SLC1A7: variants seen among roughly 807,000 people sequenced by gnomAD.
SLC1A7 encodes solute carrier family 1 member 7.
A neutral mutation model predicts 47.7 loss-of-function variants in SLC1A7; 40 were observed. The observed-to-expected ratio is 0.84, with a 90% confidence interval of 0.65 to 1.09. The LOEUF is 1.09. Among genes scored for constraint, SLC1A7 ranks in the 50% least tolerant of loss-of-function variants. The pLI is 0.00. For missense variants in SLC1A7, 746 were observed against 769.5 expected (o/e 0.97, Z 0.36); for synonymous variants, 323 against 325.6 (o/e 0.99, Z 0.09).
chr1:53,124,300 C>T (rs1644858542), intron 2 of SLC1A7, among the ~76,000 whole-genome samples: 1 of 141,756 alleles, frequency 7.1e-6, no homozygotes, highest in Non-Finnish European at 1.5e-5. Context: ...AACACAGCTT[C>T]ACAGACAAAC....
At chr1:53,136,280 G>A (rs990679550) in intron 1 of SLC1A7, among the ~76,000 whole-genome samples, 2 of 147,102 alleles carry the variant, frequency 1.4e-5, no homozygotes, top group Non-Finnish European at 3.0e-5. Context: ...TGCAACCTCC[G>A]CCTCCCAGGT....
intron 1 of SLC1A7, among the ~76,000 whole-genome samples, chr1:53,141,134 C>T (rs1303270761): frequency 6.6e-6 from 1 of 152,136 alleles, no homozygotes; most frequent in Non-Finnish European, 1.5e-5. Flanking sequence ...GCCTTGTCTT[C>T]AGCCTGCATA....
chr1:53,121,283 T>G (rs1644822899), intron 2 of SLC1A7, among the ~76,000 whole-genome samples: 1 of 152,168 alleles, frequency 6.6e-6, no homozygotes, highest in Non-Finnish European at 1.5e-5. Flanking sequence ...ACGACTTGTG[T>G]GCCCAGGTGA....
intron 1 of SLC1A7, among the ~76,000 whole-genome samples, chr1:53,141,809 C>T (rs546836577): frequency 1.1e-4 from 17 of 152,250 alleles, no homozygotes; most frequent in East Asian, 5.8e-4. Flanking sequence ...ACTGGCCTGT[C>T]GCTCTTCTGC....
chr1:53,088,107 G>T lies in SLC1A7; in HGVS notation c.1585C>A (p.His529Asn). 6.2e-7 allele frequency: 1 copy of T among 1,612,072 alleles called. No individual in the cohort carries two copies. Among genetic ancestry groups the T allele is most frequent in the Non-Finnish European group, 8.5e-7 (1 of 1,178,784 alleles). Reference sequence around the variant, plus strand: ...TGCTCCACTTGAACGGGGACGTGGTGGGGGCAGGTGGGGCCCAGGGTGAGC... The same window carrying T: ...TGCTCCACTTGAACGGGGACGTGGTTGGGGCAGGTGGGGCCCAGGGTGAGC... ...SELTLGPTCP[H>N]HVPVQVEQDE... The change falls in exon 11 of 11, where the codon CAC becomes AAC. Residue 529 changes from histidine (H) to asparagine (N), a missense_variant. His to Asn is a moderately conservative substitution (Grantham distance 68, BLOSUM62 1). Coordinates refer to ENST00000371494, the MANE Select transcript of SLC1A7 (RefSeq NM_006671.6).
At position 53,128,193 on chromosome 1, in the gene SLC1A7, G is replaced by A. The variant is rs1303646722; in HGVS notation, c.215+6157C>T. On this transcript the variant is annotated intron_variant, in intron 2 of 10. Coordinates refer to ENST00000371494, the MANE Select transcript of SLC1A7 (RefSeq NM_006671.6). Reference sequence around the variant, plus strand: ...CAAGAGGCAGTAAGAATAGGAATTGGGCAGGGTGCGGTGACTCACACCTGT... The same window carrying A: ...CAAGAGGCAGTAAGAATAGGAATTGAGCAGGGTGCGGTGACTCACACCTGT... Among the ~76,000 whole-genome samples, 3 of 152,246 alleles carry A rather than the reference G, an allele frequency of 2.0e-5. No homozygotes were observed. In the East Asian group the frequency reaches 5.8e-4, roughly 29 times the overall value.
chr1:53,104,430 G>A (rs1644616955), intron 4 of SLC1A7, among the ~76,000 whole-genome samples: 1 of 152,204 alleles, frequency 6.6e-6, no homozygotes, highest in Non-Finnish European at 1.5e-5. Context: ...CCTTGCGGAG[G>A]GAGTGACTAA....
At position 53,092,638 on chromosome 1, in the gene SLC1A7, T is replaced by G. The variant is rs774295259; in HGVS notation, c.947A>C (p.Tyr316Ser). ...LHGLFILPLL[Y>S]FFITKKNPIV... ...GGGATTCTTCTTGGTGATGAAGAAG[T>G]AGAGCAGGGGCAGGATAAAGAGCCC... Residue 316 changes from tyrosine to serine, a missense_variant, in exon 7 of 11, where the codon TAC becomes TCC. Tyr to Ser is a moderately radical substitution (Grantham distance 144, BLOSUM62 -2). Transcript: ENST00000371494. 1.9e-6 allele frequency: 3 copies of G among 1,613,934 alleles called. No homozygotes were observed. The highest frequency in any genetic ancestry group is 2.5e-6 in the Non-Finnish European group (3 of 1,179,976).
chr1:53,134,457 T>C, intron 1 of SLC1A7, 28 bp from the exon 2 acceptor site: 1 of 1,473,424 alleles, frequency 6.8e-7, no homozygotes, highest in Non-Finnish European at 9.5e-7. Context: ...ACTGGGGTTA[T>C]AGCAAGAGAT....
intron 2 of SLC1A7, among the ~76,000 whole-genome samples, chr1:53,129,593 G>GT (rs1557689082): frequency 4.5e-4 from 63 of 139,646 alleles, no homozygotes; most frequent in Middle Eastern, 4.0e-3. Flanking sequence ...GCTGGAAGAT[G>GT]CCAGATTATG....
intron 2 of SLC1A7, among the ~76,000 whole-genome samples, chr1:53,122,093 A>C (rs970541871): frequency 1.3e-5 from 2 of 152,070 alleles, no homozygotes; most frequent in Non-Finnish European, 2.9e-5. Flanking sequence ...GAAAAGCCCT[A>C]GGGCTCTCAG....
chr1:53,130,133 C>T (rs770919244), intron 2 of SLC1A7, among the ~76,000 whole-genome samples: 71 of 152,340 alleles, frequency 4.7e-4, no homozygotes, highest in Middle Eastern at 3.4e-3. Flanking sequence ...TCACACACAG[C>T]GTCAGCATTG....
chr1:53,101,457 C>T (rs918113563), intron 5 of SLC1A7, among the ~76,000 whole-genome samples: 2 of 150,710 alleles, frequency 1.3e-5, no homozygotes, highest in Admixed American at 1.3e-4. Context: ...CAACGGTACA[C>T]TCACACCACC....
At chr1:53,111,834 G>C (rs970276888) in intron 3 of SLC1A7, among the ~76,000 whole-genome samples, 1 of 152,170 alleles carries the variant, frequency 6.6e-6, no homozygotes, top group Non-Finnish European at 1.5e-5. Context: ...ATGAAGTCTT[G>C]CCAGCCAAGT....
intron 2 of SLC1A7, chr1:53,115,679 C>T (rs1372573294): frequency 1.3e-5 from 2 of 152,444 alleles, no homozygotes; most frequent in African/African-American, 2.4e-5. Context: ...ACTTCCCCAT[C>T]TTTGGGCCTC....
chr1:53,138,646 G>T (rs1645024946), intron 1 of SLC1A7, among the ~76,000 whole-genome samples: 1 of 151,552 alleles, frequency 6.6e-6, no homozygotes. Flanking sequence ...AGGATTACAG[G>T]CATGAGCCAC....
Position 53,095,894 on chromosome 1 carries a change from C to T in SLC1A7, c.698-2334G>A, listed in dbSNP as rs372634373. On this transcript the variant is annotated intron_variant, in intron 5 of 10. Coordinates refer to ENST00000371494, the MANE Select transcript of SLC1A7 (RefSeq NM_006671.6). ...CCACCTTGGTACATTCACATCGCCT[C>T]GGTACACTCACACAACCCGCCTCGG... Among the ~76,000 whole-genome samples, 244 of 148,580 alleles carry T rather than the reference C, an allele frequency of 1.6e-3. 2 individuals carry two copies. The highest frequency in any genetic ancestry group is 5.5e-3 in the African/African-American group (221 of 40,198).
intron 6 of SLC1A7, among the ~76,000 whole-genome samples, 158 bp from the exon 7 acceptor site, chr1:53,092,945 C>T (rs1379435586): frequency 6.6e-6 from 1 of 152,060 alleles, no homozygotes; most frequent in Non-Finnish European, 1.5e-5. Context: ...CAGCACATGG[C>T]GTCCTTCATA....
chr1:53,121,564 G>A (rs936084414), intron 2 of SLC1A7, among the ~76,000 whole-genome samples: 4 of 152,252 alleles, frequency 2.6e-5, no homozygotes, highest in East Asian at 1.9e-4. Context: ...CAAGGCCCCC[G>A]ACAGCATGTG....
Sources: allele counts gnomAD v4.1 joint callset (sites outside exome capture counted in the v4.1 genomes callset), GRCh38; gene constraint gnomAD v4.1.1; transcripts MANE v1.5; gene names NCBI Gene and HGNC (gene_info 2026-07-23, HGNC 2026-07-21).